NPHP4: variants seen among roughly 807,000 people sequenced by gnomAD.
NPHP4 encodes the protein nephrocystin 4.
NPHP4 carries 151 observed loss-of-function variants against 155.8 expected under a neutral mutation model. That is an observed-to-expected ratio of 0.97 (90% CI 0.85 to 1.11). The LOEUF (loss-of-function observed/expected upper bound fraction) is 1.11, where lower values mean the gene tolerates loss of function less well. NPHP4 is among the 50% of genes least tolerant of loss of function. NPHP4 has a pLI of 0.00. For synonymous variants in NPHP4, 845 were observed against 816.8 expected, an observed-to-expected ratio of 1.03 and a Z score of -0.59; for missense variants, 1,956 against 1,925.7, an observed-to-expected ratio of 1.02 and a Z score of -0.29.
intron 12 of NPHP4, among the ~76,000 whole-genome samples, chr1:5,907,486 A>C (rs1230830805): frequency 6.6e-6 from 1 of 152,258 alleles, no homozygotes; most frequent in African/African-American, 2.4e-5. Flanking sequence ...AAGGAAAACA[A>C]GCAAGAAAGG....
chr1:5,895,306 C>A (rs1487440290), intron 16 of NPHP4, among the ~76,000 whole-genome samples: 1 of 149,134 alleles, frequency 6.7e-6, no homozygotes, highest in Non-Finnish European at 1.5e-5. Context: ...ACGTTGGGCA[C>A]GTGTACCCTA....
At chr1:5,947,035 C>A in intron 9 of NPHP4, 69 bp downstream of exon 9, 1 of 1,544,110 alleles carries the variant, frequency 6.5e-7, no homozygotes, top group South Asian at 1.1e-5. Flanking sequence ...GCATTCATGC[C>A]CACTACATTT....
chr1:5,983,510 C>T (rs140408593), intron 2 of NPHP4, among the ~76,000 whole-genome samples: 6 of 152,312 alleles, frequency 3.9e-5, no homozygotes, highest in Non-Finnish European at 7.3e-5. Flanking sequence ...AGGAATCAAA[C>T]GCATCCTGTG....
Position 5,940,868 on chromosome 1 carries a change from C to A in NPHP4, c.1119+6236G>T, listed in dbSNP as rs79785115. On this transcript the variant is annotated intron_variant, in intron 9 of 29. Coordinates refer to ENST00000378156, the MANE Select transcript of NPHP4 (RefSeq NM_015102.5). ...CTAAACATCCTTGAGATGTAAAATT[C>A]TCTCTAAATTCAATCATAAATTTAC... Among the ~76,000 whole-genome samples the A allele has an allele frequency of 6.5e-3, 988 of 152,264 alleles. 5 individuals carry two copies. Among genetic ancestry groups the A allele is most frequent in the Middle Eastern group, 0.02 (6 of 294 alleles).
In NPHP4 at chr1:5,867,140, G is replaced by C. The variant is rs1227986070; in HGVS notation, c.3473-25C>G. ...CCTGGAGCAGGGGAAATGTCAAAAA[G>C]AGTCTTCTCCACAGCCCCAGCCTGT... On this transcript the variant is annotated intron_variant, in intron 24 of 29. Transcript: ENST00000378156. This position sits in a 1 kb window ranked among gnomAD's most constrained non-coding sequence, Gnocchi z 4.1. 1 of 1,572,506 alleles carries C rather than the reference G, an allele frequency of 6.4e-7. No homozygotes were observed.
At chr1:5,987,607 A>G (rs1557899118) in intron 1 of NPHP4, among the ~76,000 whole-genome samples, 1 of 152,096 alleles carries the variant, frequency 6.6e-6, no homozygotes, top group Non-Finnish European at 1.5e-5. Flanking sequence ...AGCCGGAAAA[A>G]CTATTAATCT....
Position 5,969,112 on chromosome 1 carries a change from G to C in NPHP4, c.427C>G (p.Pro143Ala), listed in dbSNP as rs1383063920. 6.4e-7 allele frequency: 1 copy of C among 1,550,856 alleles called. No homozygotes were observed. The highest frequency in any genetic ancestry group is 8.7e-7 in the Non-Finnish European group (1 of 1,146,426). The change falls in exon 4 of 30, where the codon CCT becomes GCT. Residue 143 changes from proline (P) to alanine (A), a missense_variant. Transcript: ENST00000378156. ...LRIFSNQPDS[P>A]ISASQDKRLR... ...CTTTTGTCCTGGGAAGCAGAGATAGGAGAGTCCGGCTGGTTGCTGAAGATC... is the reference window on the plus strand; with the variant it reads ...CTTTTGTCCTGGGAAGCAGAGATAGCAGAGTCCGGCTGGTTGCTGAAGATC...
At chr1:5,953,382 G>C (rs1648566163) in intron 6 of NPHP4, among the ~76,000 whole-genome samples, 1 of 152,202 alleles carries the variant, frequency 6.6e-6, no homozygotes, top group Non-Finnish European at 1.5e-5. Flanking sequence ...GAGATTACAG[G>C]CGTGAGCCAC....
chr1:5,992,405 C>G lies in NPHP4; in HGVS notation c.-200G>C, dbSNP rs1398600725. 6.6e-6 allele frequency: 1 copy of G among 152,174 alleles called. No individual in the cohort carries two copies. The highest frequency in any genetic ancestry group is 1.5e-5 in the Non-Finnish European group (1 of 68,066). The allele number at this position is 152,174 out of a possible 1,614,324, so 9.4% of individuals were successfully genotyped here. A position where few individuals can be genotyped will look rare whatever the true frequency, so the allele number is the denominator to read the frequency against. ...AGGGGCGCGCCCCGTCCGCTGCCAC[C>G]CGCGGGAGGAGCCTCGGAAGGCGGC... On this transcript the variant is annotated 5_prime_UTR_variant, in exon 1 of 30. Coordinates refer to ENST00000378156, the MANE Select transcript of NPHP4 (RefSeq NM_015102.5).
intron 5 of NPHP4, among the ~76,000 whole-genome samples, chr1:5,964,126 G>C (rs1043282733): frequency 6.6e-6 from 1 of 152,184 alleles, no homozygotes; most frequent in Non-Finnish European, 1.5e-5. Flanking sequence ...CATTCTTCTA[G>C]ACAAATTGTA....
At position 5,947,414 on chromosome 1, in the gene NPHP4, G is replaced by A. The variant is rs10779677; in HGVS notation, c.993-184C>T. On this transcript the variant is annotated intron_variant, in intron 8 of 29. Coordinates refer to ENST00000378156, the MANE Select transcript of NPHP4 (RefSeq NM_015102.5). ...AAATGATTCAGAAATTCCCCAAAAC[G>A]CTGCTTTTTAAGAGATGGGGGTCTC... 0.53 allele frequency among the ~76,000 whole-genome samples: 80,236 copies of A among 152,196 alleles called. 22,641 individuals are homozygous for A. Among genetic ancestry groups the A allele is most frequent in the East Asian group, 0.98 (5,064 of 5,184 alleles).
At chr1:5,915,196 C>CG (rs34725607) in intron 11 of NPHP4, among the ~76,000 whole-genome samples, 25,981 of 152,142 alleles carry the variant, frequency 0.17, 2,290 homozygotes, top group African/African-American at 0.21. Flanking sequence ...AAGGCAGGGA[C>CG]GGGCCAGGCC....
At chr1:5,940,604 T>A (rs1036686789) in intron 9 of NPHP4, among the ~76,000 whole-genome samples, 1 of 152,062 alleles carries the variant, frequency 6.6e-6, no homozygotes, top group Admixed American at 6.5e-5. Context: ...GCTAGTAAAA[T>A]TGCTTAAATA....
At chr1:5,885,984 T>C (rs1643768642) in intron 18 of NPHP4, among the ~76,000 whole-genome samples, 1 of 152,196 alleles carries the variant, frequency 6.6e-6, no homozygotes, top group Non-Finnish European at 1.5e-5. Context: ...CCTATGAGCT[T>C]ATCTCTCTCT....
At chr1:5,868,342 C>T (rs1641490652) in intron 23 of NPHP4, 1 of 279,358 alleles carries the variant, frequency 3.6e-6, no homozygotes, top group Non-Finnish European at 7.0e-6. Context: ...CTCTTTGATT[C>T]CAGATGGCAA....
intron 2 of NPHP4, among the ~76,000 whole-genome samples, chr1:5,983,449 T>C (rs1169625356): frequency 6.6e-6 from 1 of 152,188 alleles, no homozygotes; most frequent in Non-Finnish European, 1.5e-5. Context: ...AGTCTGGAAT[T>C]TTGGACATGC....
Position 5,893,214 on chromosome 1 carries a change from G to A in NPHP4, c.2144-2186C>T, listed in dbSNP as rs543719666. ...TGGGTCTCTCCCCGTGTGCGGCAACGAGAGAGTGTAGAAATAAAGACACAA... is the reference window on the plus strand; with the variant it reads ...TGGGTCTCTCCCCGTGTGCGGCAACAAGAGAGTGTAGAAATAAAGACACAA... On this transcript the variant is annotated intron_variant, in intron 16 of 29. Coordinates refer to ENST00000378156, the MANE Select transcript of NPHP4 (RefSeq NM_015102.5). Among the ~76,000 whole-genome samples the A allele has an allele frequency of 4.1e-4, 63 of 152,324 alleles. 1 individual carries two copies. The South Asian group carries it at 0.011, about 27-fold the overall frequency.
At chr1:5,927,614 T>C (rs376826471) in intron 11 of NPHP4, 35 bp downstream of exon 11, 18 of 1,575,142 alleles carry the variant, frequency 1.1e-5, no homozygotes, top group East Asian at 4.5e-5. Flanking sequence ...CTGCCTGCCA[T>C]GTGCCTGGCC....
chr1:5,908,610 C>G (rs374357770), intron 12 of NPHP4, among the ~76,000 whole-genome samples: 3 of 152,162 alleles, frequency 2.0e-5, no homozygotes, highest in Admixed American at 2.0e-4. Context: ...AACGGCCCAG[C>G]GGGAAGGCGC....
Sources: gnomAD v4.1 joint callset for allele counts (sites outside exome capture counted in the v4.1 genomes callset) on GRCh38, gnomAD v4.1.1 for gene constraint, Gnocchi (gnomAD v3.1) non-coding constraint, MANE v1.5 for transcripts, NCBI Gene and HGNC (gene_info 2026-07-23, HGNC 2026-07-21) for gene names.